Variants in PARD3 observed in about 807,000 individuals in gnomAD.
PARD3 encodes partitioning defective 3 homolog.
A neutral mutation model predicts 155.4 loss-of-function variants in PARD3; 75 were observed. That is an observed-to-expected ratio of 0.48 (90% confidence interval 0.40 to 0.58). The LOEUF (loss-of-function observed/expected upper bound fraction) is 0.58, where lower values mean the gene tolerates loss of function less well. PARD3 is among the 20% of genes least tolerant of loss of function. The probability of loss-of-function intolerance (pLI) is 0.00; values close to 1 mark genes in which losing one functional copy is unlikely to be tolerated. For missense variants in PARD3, 1,642 were observed against 1,721.7 expected (o/e 0.95, Z 0.82); for synonymous variants, 576 against 610.5 (o/e 0.94, Z 0.83).
chr10:34,479,146 T>A (rs2078899404), intron 3 of PARD3, among the ~76,000 whole-genome samples: 1 of 151,356 alleles, frequency 6.6e-6, no homozygotes, highest in Non-Finnish European at 1.5e-5. Flanking sequence ...GATTCTATGA[T>A]TAGCTCAAAT....
chr10:34,751,750 T>C (rs1836064838), intron 1 of PARD3, among the ~76,000 whole-genome samples: 1 of 150,898 alleles, frequency 6.6e-6, no homozygotes, highest in Non-Finnish European at 1.5e-5. Flanking sequence ...ACCACATGTG[T>C]ATGTCACCAT....
At chr10:34,694,137 G>A (rs1236068235) in intron 2 of PARD3, among the ~76,000 whole-genome samples, 2 of 147,840 alleles carry the variant, frequency 1.4e-5, no homozygotes, top group East Asian at 3.9e-4. Context: ...GAGAGAGACT[G>A]AGAAAGAGAG....
chr10:34,210,041 C>T (rs1951663763), intron 22 of PARD3, among the ~76,000 whole-genome samples: 1 of 152,102 alleles, frequency 6.6e-6, no homozygotes, highest in African/African-American at 2.4e-5. Context: ...CATTGCAAGG[C>T]TAGGAAGTTT....
intron 7 of PARD3, among the ~76,000 whole-genome samples, chr10:34,386,627 A>G (rs767837487): frequency 4.6e-5 from 7 of 152,088 alleles, no homozygotes; most frequent in Non-Finnish European, 8.8e-5. Context: ...GTTCAATACC[A>G]GACTGACCAA....
chr10:34,319,010 A>G (rs1236051469), intron 19 of PARD3, among the ~76,000 whole-genome samples: 1 of 147,678 alleles, frequency 6.8e-6, no homozygotes, highest in African/African-American at 2.5e-5. Flanking sequence ...TGAGCTCCTG[A>G]CCTCGTGATC....
intron 2 of PARD3, among the ~76,000 whole-genome samples, chr10:34,687,689 G>A (rs1257956830): frequency 6.6e-6 from 1 of 152,014 alleles, no homozygotes; most frequent in East Asian, 1.9e-4. Context: ...CAAAGGAAGT[G>A]CTTGATATTA....
At chr10:34,641,824 C>T (rs1373601769) in intron 2 of PARD3, among the ~76,000 whole-genome samples, 1 of 152,142 alleles carries the variant, frequency 6.6e-6, no homozygotes, top group Non-Finnish European at 1.5e-5. Flanking sequence ...GACCATGGAA[C>T]CCTGTCCTGC....
At chr10:34,284,321 C>T (rs1956289303) in intron 20 of PARD3, 76 bp from the exon 21 acceptor site, 1 of 809,918 alleles carries the variant, frequency 1.2e-6, no homozygotes, top group Non-Finnish European at 2.0e-6. Context: ...ATGACATATA[C>T]CCAATGAAAT....
At chr10:34,616,672 T>G (rs770027670) in intron 2 of PARD3, among the ~76,000 whole-genome samples, 2 of 152,162 alleles carry the variant, frequency 1.3e-5, no homozygotes, top group Non-Finnish European at 2.9e-5. Flanking sequence ...CTGTGGTGGC[T>G]CATGCCTGTA....
chr10:34,805,566 T>TATAC (rs1491558472), intron 1 of PARD3, among the ~76,000 whole-genome samples: 95 of 139,984 alleles, frequency 6.8e-4, no homozygotes, highest in Middle Eastern at 3.8e-3. Context: ...TATATATATA[T>TATAC]ACACCGTACA....
At chr10:34,712,523 C>T (rs780411294) in intron 1 of PARD3, among the ~76,000 whole-genome samples, 2 of 151,800 alleles carry the variant, frequency 1.3e-5, no homozygotes, top group Non-Finnish European at 2.9e-5. Flanking sequence ...GAAGAAGAGA[C>T]TAAGGAATAG....
At chr10:34,547,602 T>G (rs1564831635) in intron 2 of PARD3, among the ~76,000 whole-genome samples, 1 of 152,114 alleles carries the variant, frequency 6.6e-6, no homozygotes, top group Non-Finnish European at 1.5e-5. Context: ...GAAGGCAGGG[T>G]AGTGGATAGT....
intron 22 of PARD3, among the ~76,000 whole-genome samples, chr10:34,232,565 G>A (rs1396965169): frequency 6.6e-6 from 1 of 152,124 alleles, no homozygotes; most frequent in Non-Finnish European, 1.5e-5. Context: ...CAGTATGTTG[G>A]AAGAAAGTTC....
At chr10:34,222,181 T>C (rs1952333026) in intron 22 of PARD3, among the ~76,000 whole-genome samples, 1 of 152,182 alleles carries the variant, frequency 6.6e-6, no homozygotes, top group Non-Finnish European at 1.5e-5. Context: ...GAAAGAAACA[T>C]GCCTTTTATT....
At chr10:34,660,391 G>A (rs1012187854) in intron 2 of PARD3, among the ~76,000 whole-genome samples, 3 of 152,192 alleles carry the variant, frequency 2.0e-5, no homozygotes, top group East Asian at 1.9e-4. Context: ...TCTCTAAAAA[G>A]GGGCAATTTA....
intron 2 of PARD3, among the ~76,000 whole-genome samples, chr10:34,682,105 A>G (rs1303245691): frequency 6.6e-6 from 1 of 152,130 alleles, no homozygotes; most frequent in Non-Finnish European, 1.5e-5. Flanking sequence ...AGTTCCCAGC[A>G]GCCAAGAGAT....
chr10:34,555,196 G>C (rs982415912), intron 2 of PARD3, among the ~76,000 whole-genome samples: 3 of 152,194 alleles, frequency 2.0e-5, no homozygotes, highest in Non-Finnish European at 4.4e-5. Context: ...TTAATGAGGA[G>C]GCTATGCAAG....
At chr10:34,706,855 C>A (rs1032442163) in intron 1 of PARD3, among the ~76,000 whole-genome samples, 17 of 152,068 alleles carry the variant, frequency 1.1e-4, no homozygotes, top group Non-Finnish European at 1.5e-5. Flanking sequence ...CGCCTCTAAT[C>A]CCAGCACTTT....
chr10:34,544,836 T>C (rs2083915258), intron 2 of PARD3, among the ~76,000 whole-genome samples: 1 of 152,218 alleles, frequency 6.6e-6, no homozygotes, highest in Non-Finnish European at 1.5e-5. Flanking sequence ...ATGTAGTAAC[T>C]ATTATTCTCA....
Sources: gnomAD v4.1 joint callset for allele counts (sites outside exome capture counted in the v4.1 genomes callset) on GRCh38, gnomAD v4.1.1 for gene constraint, MANE v1.5 for transcripts, NCBI Gene and HGNC (gene_info 2026-07-23, HGNC 2026-07-21) for gene names.